The following IFT56 variants were observed in gnomAD, a reference collection of about 807,000 sequenced individuals.
The protein encoded by IFT56 is intraflagellar transport protein 56.
the IFT56 span, among the ~76,000 whole-genome samples, chr7:139,162,239 A>G: frequency 1.8e-4 from 27 of 152,300 alleles, no homozygotes; most frequent in African/African-American, 6.5e-4. Context: ...TTAATGATGC[A>G]TGGGCCCCAT....
At chr7:139,187,374 G>GC in the IFT56 span, 48 of 1,607,876 alleles carry the variant, frequency 3.0e-5, no homozygotes, top group Non-Finnish European at 3.7e-5. Flanking sequence ...TCTCTTTACT[G>GC]CAAGTATTAC....
At chr7:139,155,755 T>C in the IFT56 span, among the ~76,000 whole-genome samples, 1 of 152,162 alleles carries the variant, frequency 6.6e-6, no homozygotes, top group Non-Finnish European at 1.5e-5. Flanking sequence ...GTAATTTTTT[T>C]TTGGTTTTGG....
chr7:139,181,873 C>A, the IFT56 span, among the ~76,000 whole-genome samples: 1 of 152,066 alleles, frequency 6.6e-6, no homozygotes, highest in Non-Finnish European at 1.5e-5. Flanking sequence ...ATATGCTGCC[C>A]ATCACTGATC....
At chr7:139,152,866 T>G in the IFT56 span, among the ~76,000 whole-genome samples, 3 of 152,204 alleles carry the variant, frequency 2.0e-5, no homozygotes, top group Non-Finnish European at 4.4e-5. Flanking sequence ...AAAGAAATGT[T>G]GGCCAGGCAC....
At chr7:139,190,886 A>G in the IFT56 span, 1 of 152,282 alleles carries the variant, frequency 6.6e-6, no homozygotes, top group Non-Finnish European at 1.5e-5. Flanking sequence ...AGAAGAGAAT[A>G]GATGGGAAGA....
the IFT56 span, among the ~76,000 whole-genome samples, chr7:139,153,693 GT>G: frequency 6.6e-6 from 1 of 152,026 alleles, no homozygotes; most frequent in African/African-American, 2.4e-5. Flanking sequence ...ATAATATTTC[GT>G]TTTATGAATA....
chr7:139,172,627 A>C, the IFT56 span: 1 of 599,536 alleles, frequency 1.7e-6, no homozygotes, highest in Non-Finnish European at 3.3e-6. Context: ...AATAGAGATC[A>C]AAGTGCTTCA....
the IFT56 span, chr7:139,165,120 C>A: frequency 6.2e-7 from 1 of 1,602,200 alleles, no homozygotes; most frequent in Non-Finnish European, 8.5e-7. Flanking sequence ...AGCATGATTT[C>A]TGTATCTCTA....
the IFT56 span, among the ~76,000 whole-genome samples, chr7:139,164,891 G>T: frequency 3.3e-5 from 5 of 152,112 alleles, no homozygotes; most frequent in African/African-American, 1.2e-4. Context: ...TTATGACAAG[G>T]CTGTTAAGAA....
chr7:139,148,689 C>T, the IFT56 span, among the ~76,000 whole-genome samples: 1 of 152,100 alleles, frequency 6.6e-6, no homozygotes, highest in Non-Finnish European at 1.5e-5. Context: ...CTTTGGGAGG[C>T]CAAGGCGGGC....
the IFT56 span, chr7:139,179,583 T>C: frequency 6.2e-7 from 1 of 1,614,070 alleles, no homozygotes; most frequent in Non-Finnish European, 8.5e-7. Context: ...GGCGTTCCTC[T>C]TGATCCAAAG....
At chr7:139,187,322 C>A in the IFT56 span, 1 of 1,514,594 alleles carries the variant, frequency 6.6e-7, no homozygotes, top group Admixed American at 1.9e-5. Flanking sequence ...TTCATACAGT[C>A]CCGTTTCATG....
chr7:139,162,651 G>A, the IFT56 span, among the ~76,000 whole-genome samples: 1 of 152,120 alleles, frequency 6.6e-6, no homozygotes, highest in Non-Finnish European at 1.5e-5. Context: ...CTCATATGTA[G>A]AATAGGGAAA....
the IFT56 span, among the ~76,000 whole-genome samples, chr7:139,183,882 G>A: frequency 4.6e-5 from 7 of 152,146 alleles, no homozygotes; most frequent in Non-Finnish European, 7.4e-5. Flanking sequence ...TGGAGACAAA[G>A]TCTTTCAGCA....
chr7:139,140,073 A>G, the IFT56 span: 1 of 1,060,100 alleles, frequency 9.4e-7, no homozygotes, highest in Non-Finnish European at 1.4e-6. Flanking sequence ...TTTAAAACTT[A>G]ATTGTATTCC....
the IFT56 span, chr7:139,134,708 A>G: frequency 1.9e-6 from 3 of 1,613,970 alleles, no homozygotes; most frequent in Non-Finnish European, 2.5e-6. Flanking sequence ...ACACTGACAA[A>G]AGAAAGAAGA....
At chr7:139,173,055 C>G in the IFT56 span, 8 of 734,098 alleles carry the variant, frequency 1.1e-5, no homozygotes, top group Non-Finnish European at 2.0e-5. Flanking sequence ...ATGCTTCCAA[C>G]TCAGCTTTGC....
At chr7:139,184,861 T>C in the IFT56 span, among the ~76,000 whole-genome samples, 22 of 150,396 alleles carry the variant, frequency 1.5e-4, no homozygotes, top group Non-Finnish European at 2.2e-4. Flanking sequence ...GAGACCATCC[T>C]GGTTAACACA....
chr7:139,149,657 C>A, the IFT56 span, among the ~76,000 whole-genome samples: 5 of 152,140 alleles, frequency 3.3e-5, no homozygotes, highest in East Asian at 9.7e-4. Context: ...AAATGGTGGA[C>A]ATTTTATAAA....
Sources: allele counts gnomAD v4.1 joint callset (sites outside exome capture counted in the v4.1 genomes callset), GRCh38; gene constraint gnomAD v4.1.1; transcripts MANE v1.5; gene names NCBI Gene and HGNC (gene_info 2026-07-23, HGNC 2026-07-21).